The following MOK variants were observed in gnomAD, a reference collection of about 807,000 sequenced individuals.
MOK encodes MOK protein kinase.
A neutral mutation model predicts 54.2 loss-of-function variants in MOK; 59 were observed. The ratio of observed to expected loss-of-function variants is 1.09; its 90% CI spans 0.88 to 1.35. The LOEUF (loss-of-function observed/expected upper bound fraction) is 1.35, where lower values mean the gene tolerates loss of function less well. Among genes scored for constraint, MOK ranks in the 40% most tolerant of loss-of-function variants. The probability of loss-of-function intolerance (pLI) is 0.00; values close to 1 mark genes in which losing one functional copy is unlikely to be tolerated. For synonymous variants in MOK, 210 were observed against 202.7 expected (o/e 1.04, Z -0.31); for missense variants, 517 against 526.2 (o/e 0.98, Z 0.17).
downstream of MOK, among the ~76,000 whole-genome samples, chr14:102,222,049 A>G (rs575821025): frequency 1.3e-5 from 2 of 152,304 alleles, no homozygotes; most frequent in South Asian, 4.1e-4. The surrounding 1 kb of genome is among the most constrained non-coding windows in gnomAD (Gnocchi z 4.4). Context: ...GGTTTACCCA[A>G]GGTCACACCA....
chr14:102,255,526 A>G (rs1014457840), intron 4 of MOK, among the ~76,000 whole-genome samples: 2 of 151,634 alleles, frequency 1.3e-5, no homozygotes, highest in African/African-American at 4.9e-5. Flanking sequence ...AGGGGTAGGG[A>G]GCCGTCCTGG....
intron 1 of MOK, among the ~76,000 whole-genome samples, chr14:102,301,604 T>C (rs901419073): frequency 6.6e-6 from 1 of 152,236 alleles, no homozygotes; most frequent in Non-Finnish European, 1.5e-5. Context: ...TCTACTTCTA[T>C]AACTCTGTCT....
At chr14:102,302,706 C>A (rs1397249622) in intron 1 of MOK, among the ~76,000 whole-genome samples, 1 of 151,766 alleles carries the variant, frequency 6.6e-6, no homozygotes, top group Non-Finnish European at 1.5e-5. Flanking sequence ...TGAGCCACTG[C>A]GCCCAGGCAG....
chr14:102,288,206 C>T (rs145970070), intron 1 of MOK, among the ~76,000 whole-genome samples: 591 of 152,276 alleles, frequency 3.9e-3, no homozygotes, highest in Middle Eastern at 0.01. Context: ...GAAACAAAAA[C>T]GTATGTCCAA....
intron 2 of MOK, among the ~76,000 whole-genome samples, chr14:102,266,305 TC>T (rs1419886830): frequency 6.6e-6 from 1 of 151,214 alleles, no homozygotes; most frequent in African/African-American, 2.4e-5. Flanking sequence ...GACCCACCCC[TC>T]CTTTTTTTTT....
At chr14:102,290,302 G>C (rs2070624733) in intron 1 of MOK, among the ~76,000 whole-genome samples, 1 of 151,910 alleles carries the variant, frequency 6.6e-6, no homozygotes. Context: ...AGCCGGGTGT[G>C]GTGGTGCATG....
chr14:102,232,412 TAGAG>T lies in MOK; in HGVS notation c.866+119_866+122del. The T allele has an allele frequency of 2.5e-6, 3 of 1,193,560 alleles. No individual in the cohort carries two copies. Among genetic ancestry groups the T allele is most frequent in the East Asian group, 4.8e-5 (2 of 41,838 alleles). The allele number at this position is 1,193,560 out of a possible 1,614,324, so 73.9% of individuals were successfully genotyped here. A position where few individuals can be genotyped will look rare whatever the true frequency, so the allele number is the denominator to read the frequency against. On this transcript the variant is annotated intron_variant, in intron 9 of 11. Coordinates refer to ENST00000361847, the MANE Select transcript of MOK (RefSeq NM_014226.3). This position sits in a 1 kb window ranked among gnomAD's most constrained non-coding sequence, Gnocchi z 5.1. Reference sequence around the variant, plus strand: ...AAGAGGCCCTGACCACTCTTCAGGATAGAGAGCGCGATTCCCAAGAACCAGGGAC... The same window carrying T: ...AAGAGGCCCTGACCACTCTTCAGGATAGCGCGATTCCCAAGAACCAGGGAC...
chr14:102,232,685 A>T lies in MOK; in HGVS notation c.716T>A (p.Phe239Tyr), dbSNP rs1330963623. The T allele has an allele frequency of 6.2e-7, 1 of 1,613,732 alleles. No homozygotes were observed. Among genetic ancestry groups the T allele is most frequent in the Non-Finnish European group, 8.5e-7 (1 of 1,179,838 alleles). ...FKQSRAMNFD[F>Y]PFKKGSGIPL... ...TATTCCTGATCCCTTTTTAAAAGGA[A>T]AATCAAAATTCATAGCTCTCGACCT... Residue 239 changes from phenylalanine to tyrosine, a missense_variant, in exon 9 of 12, where the codon TTT (phenylalanine) becomes TAT (tyrosine). Physicochemically the swap from Phe to Tyr is conservative, Grantham distance 22. Transcript: ENST00000361847. This position sits in a 1 kb window ranked among gnomAD's most constrained non-coding sequence, Gnocchi z 5.1.
At chr14:102,250,781 G>A (rs766759622) in intron 7 of MOK, 31 bp downstream of exon 7, 3 of 1,602,380 alleles carry the variant, frequency 1.9e-6, no homozygotes, top group East Asian at 2.2e-5. Flanking sequence ...CTCCGCCGCA[G>A]GAACCAGGCA....
At chr14:102,262,185 G>A (rs138763617) in intron 4 of MOK, among the ~76,000 whole-genome samples, 8,258 of 150,306 alleles carry the variant, frequency 0.055, 280 homozygotes, top group African/African-American at 0.1. Flanking sequence ...TCGCTCTGTC[G>A]CCCAGGCTGG....
intron 2 of MOK, among the ~76,000 whole-genome samples, chr14:102,270,446 A>G (rs1256178921): frequency 1.3e-5 from 2 of 152,138 alleles, no homozygotes; most frequent in Non-Finnish European, 1.5e-5. Context: ...CTAAAAATAC[A>G]AAAATTAGCC....
chr14:102,240,137 G>A lies in MOK; in HGVS notation c.591-6348C>T, dbSNP rs1003896685. Among the ~76,000 whole-genome samples, 14 of 152,038 alleles carry A rather than the reference G, an allele frequency of 9.2e-5. 1 individual carries two copies. Among genetic ancestry groups the A allele is most frequent in the African/African-American group, 1.9e-4 (8 of 41,398 alleles). The stretch of plus-strand genomic sequence containing the variant: ...CCTTGTGATCCCCTAGCCCCTGCCC[G>A]CCAGAGAACAACCCCCTTTGACTGT... On this transcript the variant is annotated intron_variant, in intron 7 of 11. Transcript: ENST00000361847. The surrounding 1 kb of genome is among the most constrained non-coding windows in gnomAD (Gnocchi z 5.4).
chr14:102,295,766 T>G (rs1298799627), intron 1 of MOK, among the ~76,000 whole-genome samples: 2 of 152,242 alleles, frequency 1.3e-5, no homozygotes, highest in African/African-American at 4.8e-5. Flanking sequence ...TCAAAAATTC[T>G]TAAAATTTTA....
chr14:102,237,599 C>G (rs1465221343), intron 7 of MOK, among the ~76,000 whole-genome samples: 1 of 152,186 alleles, frequency 6.6e-6, no homozygotes, highest in East Asian at 1.9e-4. Flanking sequence ...AACATACTCC[C>G]CAACTTCTGC....
intron 4 of MOK, among the ~76,000 whole-genome samples, chr14:102,261,418 A>T (rs866579353): frequency 2.3e-4 from 10 of 42,794 alleles, no homozygotes; most frequent in African/African-American, 5.4e-4. Context: ...AAAAAAAAAA[A>T]ATATATATAT....
At chr14:102,256,293 G>A (rs1333753262) in intron 4 of MOK, among the ~76,000 whole-genome samples, 5 of 151,800 alleles carry the variant, frequency 3.3e-5, no homozygotes, top group South Asian at 4.2e-4. Context: ...GGCTGGGCAC[G>A]GTGGCTTACA....
intron 6 of MOK, 86 bp downstream of exon 6, chr14:102,251,669 TC>T (rs1363647550): frequency 1.9e-6 from 2 of 1,062,912 alleles, no homozygotes; most frequent in African/African-American, 3.1e-5. Context: ...GACTGAAAGT[TC>T]CTCTGGTAGG....
intron 4 of MOK, among the ~76,000 whole-genome samples, chr14:102,254,157 T>C (rs1472875168): frequency 6.6e-6 from 1 of 152,084 alleles, no homozygotes; most frequent in African/African-American, 2.4e-5. Flanking sequence ...CCTGATAATT[T>C]TTTTGTATTT....
intron 2 of MOK, among the ~76,000 whole-genome samples, chr14:102,270,611 T>C (rs2068275195): frequency 6.6e-6 from 1 of 150,548 alleles, no homozygotes; most frequent in Non-Finnish European, 1.5e-5. Flanking sequence ...AAAAAAAAAA[T>C]TAAATAATAA....
Sources: gnomAD v4.1 joint callset for allele counts (sites outside exome capture counted in the v4.1 genomes callset) on GRCh38, gnomAD v4.1.1 for gene constraint, Gnocchi (gnomAD v3.1) non-coding constraint, MANE v1.5 for transcripts, NCBI Gene and HGNC (gene_info 2026-07-23, HGNC 2026-07-21) for gene names.